SPOCK3: variants seen among roughly 807,000 people sequenced by gnomAD.
SPOCK3 encodes the protein testican-3.
A neutral mutation model predicts 56.6 loss-of-function variants in SPOCK3; 30 were observed. The observed-to-expected ratio is 0.53, with a 90% CI of 0.40 to 0.72. The LOEUF (loss-of-function observed/expected upper bound fraction) is 0.72, where lower values mean the gene tolerates loss of function less well. SPOCK3 is among the 30% of genes least tolerant of loss of function. SPOCK3 has a pLI of 0.00. For missense variants in SPOCK3, 527 were observed against 530.0 expected (o/e 0.99, Z 0.06); for synonymous variants, 196 against 183.3 (o/e 1.07, Z -0.56).
chr4:167,205,419 ATAT>A (rs1421385754), intron 2 of SPOCK3, among the ~76,000 whole-genome samples: 1 of 47,684 alleles, frequency 2.1e-5, no homozygotes, highest in African/African-American at 8.7e-5. Flanking sequence ...TATATTAAAT[ATAT>A]AATATATAAT....
chr4:166,914,148 C>T (rs1737586585), intron 4 of SPOCK3, among the ~76,000 whole-genome samples: 1 of 151,748 alleles, frequency 6.6e-6, no homozygotes, highest in Non-Finnish European at 1.5e-5. Context: ...CAATTATTTG[C>T]TCTTCAGATA....
chr4:166,802,697 G>A (rs1742742193), intron 6 of SPOCK3, among the ~76,000 whole-genome samples: 1 of 152,066 alleles, frequency 6.6e-6, no homozygotes, highest in African/African-American at 2.4e-5. Context: ...CAAATGTTCA[G>A]CCCTAGCACT....
At chr4:167,138,746 C>A (rs1300241934) in intron 2 of SPOCK3, among the ~76,000 whole-genome samples, 1 of 151,500 alleles carries the variant, frequency 6.6e-6, no homozygotes, top group Non-Finnish European at 1.5e-5. Context: ...GAAAAGATAC[C>A]CTAAAAAATG....
At chr4:166,972,974 G>A (rs1204014773) in intron 4 of SPOCK3, among the ~76,000 whole-genome samples, 2 of 152,022 alleles carry the variant, frequency 1.3e-5, no homozygotes, top group Non-Finnish European at 2.9e-5. Context: ...ATATTCAGAT[G>A]TACATGTTGA....
chr4:167,147,808 C>A (rs570790159), intron 2 of SPOCK3, among the ~76,000 whole-genome samples: 2 of 151,822 alleles, frequency 1.3e-5, no homozygotes, highest in Non-Finnish European at 2.9e-5. Context: ...AGGGCCCGTC[C>A]GGAGGGTGGG....
chr4:166,861,566 A>G (rs764994059), intron 6 of SPOCK3, among the ~76,000 whole-genome samples: 1 of 152,090 alleles, frequency 6.6e-6, no homozygotes, highest in Non-Finnish European at 1.5e-5. Flanking sequence ...ATTAAAGTGA[A>G]ATAAATTTCC....
chr4:166,976,638 C>T (rs1484697369), intron 4 of SPOCK3, among the ~76,000 whole-genome samples: 1 of 152,136 alleles, frequency 6.6e-6, no homozygotes, highest in African/African-American at 2.4e-5. Context: ...CTCCCTTCAT[C>T]CTACCAATAC....
chr4:167,214,407 G>GA (rs1187939781), intron 2 of SPOCK3, among the ~76,000 whole-genome samples: 2 of 152,012 alleles, frequency 1.3e-5, no homozygotes, highest in East Asian at 3.9e-4. Flanking sequence ...TCAGCAAATA[G>GA]AAAAAAACAG....
intron 4 of SPOCK3, among the ~76,000 whole-genome samples, chr4:166,986,994 C>T (rs755139171): frequency 1.3e-5 from 2 of 152,140 alleles, no homozygotes; most frequent in Non-Finnish European, 2.9e-5. Flanking sequence ...TAGAATTTAA[C>T]TGTTGCTTCT....
rs913427265 is a variant in SPOCK3, at chr4:166,880,702, C to A, written c.589+8428G>T. 2.0e-5 allele frequency among the ~76,000 whole-genome samples: 3 copies of A among 152,112 alleles called. No homozygotes were observed. In the East Asian group the frequency reaches 5.8e-4, roughly 29 times the overall value. On this transcript the variant is annotated intron_variant, in intron 6 of 10. Transcript: ENST00000357545. The stretch of plus-strand genomic sequence containing the variant: ...TTATCATTAATTCTCCTCTCCTTTC[C>A]TAAAGTCAATCGACAAGGCATAACC...
chr4:167,117,578 C>T (rs970929554), intron 2 of SPOCK3, among the ~76,000 whole-genome samples: 1 of 152,078 alleles, frequency 6.6e-6, no homozygotes, highest in Non-Finnish European at 1.5e-5. Context: ...AGGGTCGATG[C>T]CGGATTGTGG....
At chr4:167,122,687 T>C (rs1192990593) in intron 2 of SPOCK3, among the ~76,000 whole-genome samples, 2 of 152,174 alleles carry the variant, frequency 1.3e-5, no homozygotes, top group Admixed American at 1.3e-4. Context: ...AGAGCTGCCA[T>C]TTGAAGAGGA....
chr4:167,196,737 C>T (rs1275115070), intron 2 of SPOCK3, among the ~76,000 whole-genome samples: 11 of 151,832 alleles, frequency 7.2e-5, no homozygotes, highest in African/African-American at 2.7e-4. Flanking sequence ...GAGTGAATAC[C>T]TCATTTTTTA....
chr4:166,876,800 G>A (rs1004892437), intron 6 of SPOCK3, among the ~76,000 whole-genome samples: 1 of 152,080 alleles, frequency 6.6e-6, no homozygotes, highest in Non-Finnish European at 1.5e-5. Flanking sequence ...GAAGGAAGTC[G>A]AGATGAATGA....
chr4:167,012,614 T>G lies in SPOCK3; in HGVS notation c.236-12151A>C, dbSNP rs1002382606. ...TTTAAAAGCAGATGAATAGTAAAAC[T>G]CAGAGTTTAGTGGCAATTTTGGAAA... On this transcript the variant is annotated intron_variant, in intron 3 of 10. Transcript: ENST00000357545. 2.0e-5 allele frequency among the ~76,000 whole-genome samples: 3 copies of G among 152,044 alleles called. No homozygotes were observed. In the East Asian group the frequency reaches 5.8e-4, roughly 29 times the overall value.
At chr4:167,035,137 T>TAAACACAAACA (rs2150188277) in intron 3 of SPOCK3, among the ~76,000 whole-genome samples, 1 of 152,038 alleles carries the variant, frequency 6.6e-6, no homozygotes, top group Non-Finnish European at 1.5e-5. Flanking sequence ...CAACTCCAAA[T>TAAACACAAACA]AGAAGAAAAA....
intron 5 of SPOCK3, among the ~76,000 whole-genome samples, chr4:166,889,726 A>T (rs1217645655): frequency 6.6e-6 from 1 of 151,910 alleles, no homozygotes; most frequent in East Asian, 1.9e-4. Context: ...GCACAGCATC[A>T]AATGGCCCAT....
At chr4:166,846,630 G>C (rs1287555735) in intron 6 of SPOCK3, among the ~76,000 whole-genome samples, 1 of 151,922 alleles carries the variant, frequency 6.6e-6, no homozygotes, top group East Asian at 1.9e-4. Context: ...TTGGACATTA[G>C]CTCACTTTAA....
intron 3 of SPOCK3, among the ~76,000 whole-genome samples, chr4:167,004,516 T>C (rs1749276036): frequency 6.6e-6 from 1 of 152,104 alleles, no homozygotes; most frequent in Non-Finnish European, 1.5e-5. Context: ...TGATTTTAGC[T>C]AGAAGAGTGG....
Sources: allele counts gnomAD v4.1 joint callset (sites outside exome capture counted in the v4.1 genomes callset), GRCh38; gene constraint gnomAD v4.1.1; transcripts MANE v1.5; gene names NCBI Gene and HGNC (gene_info 2026-07-23, HGNC 2026-07-21).